The following ZNF804A variants were observed in gnomAD, a reference collection of about 807,000 sequenced individuals.
ZNF804A encodes zinc finger protein 804A.
In ZNF804A, 2 loss-of-function variants were observed where a neutral mutation model predicts 16.5. That is an observed-to-expected ratio of 0.12 (90% confidence interval 0.05 to 0.38). ZNF804A has a LOEUF of 0.38. ZNF804A is among the 10% of genes least tolerant of loss of function. ZNF804A has a pLI of 0.99. For synonymous variants in ZNF804A, 534 were observed against 489.6 expected, an observed-to-expected ratio of 1.09 and a Z score of -1.20; for missense variants, 1,473 against 1,390.7, an observed-to-expected ratio of 1.06 and a Z score of -0.94.
chr2:184,842,904 A>G (rs1221620578), intron 1 of ZNF804A, among the ~76,000 whole-genome samples: 1 of 152,172 alleles, frequency 6.6e-6, no homozygotes, highest in Non-Finnish European at 1.5e-5. Context: ...AGTGAGCACC[A>G]TAATGGTAGA....
At chr2:184,755,204 G>A (rs1693940546) in intron 1 of ZNF804A, among the ~76,000 whole-genome samples, 1 of 151,808 alleles carries the variant, frequency 6.6e-6, no homozygotes, top group African/African-American at 2.4e-5. Flanking sequence ...CATTTCCTGG[G>A]GAATATTAAC....
At chr2:184,618,959 G>A (rs1691374671) in intron 1 of ZNF804A, among the ~76,000 whole-genome samples, 1 of 152,078 alleles carries the variant, frequency 6.6e-6, no homozygotes, top group South Asian at 2.1e-4. Flanking sequence ...AGTATAAGAA[G>A]ATAAAAAGAT....
intron 1 of ZNF804A, among the ~76,000 whole-genome samples, chr2:184,813,268 T>C (rs1694929048): frequency 5.3e-5 from 8 of 152,098 alleles, no homozygotes; most frequent in Admixed American, 5.2e-4. Context: ...CTCTCTAAAC[T>C]CAAAGTCTTT....
At chr2:184,810,398 T>A (rs1409907193) in intron 1 of ZNF804A, among the ~76,000 whole-genome samples, 1 of 152,072 alleles carries the variant, frequency 6.6e-6, no homozygotes, top group African/African-American at 2.4e-5. Context: ...ATGTACTTAT[T>A]TTTTTAGATT....
intron 2 of ZNF804A, among the ~76,000 whole-genome samples, chr2:184,911,874 A>G (rs1466561152): frequency 6.6e-6 from 1 of 151,232 alleles, no homozygotes; most frequent in Non-Finnish European, 1.5e-5. Context: ...TTTTCCTACA[A>G]TTTTCCCTTT....
At chr2:184,665,855 C>G (rs1692246699) in intron 1 of ZNF804A, among the ~76,000 whole-genome samples, 1 of 152,152 alleles carries the variant, frequency 6.6e-6, no homozygotes, top group South Asian at 2.1e-4. Context: ...ATGAGTCCCT[C>G]TTGTACTTTG....
intron 1 of ZNF804A, among the ~76,000 whole-genome samples, chr2:184,715,528 C>A (rs776080040): frequency 1.3e-5 from 2 of 152,048 alleles, no homozygotes; most frequent in Non-Finnish European, 2.9e-5. Context: ...GCTAGGACTA[C>A]AGGCATATGC....
chr2:184,677,581 G>A (rs1692459570), intron 1 of ZNF804A, among the ~76,000 whole-genome samples: 2 of 151,922 alleles, frequency 1.3e-5, no homozygotes, highest in African/African-American at 4.8e-5. Context: ...TTGATCTAAT[G>A]ACTCATATAA....
intron 1 of ZNF804A, among the ~76,000 whole-genome samples, chr2:184,657,977 C>T (rs141198800): frequency 2.0e-5 from 3 of 152,214 alleles, no homozygotes; most frequent in Admixed American, 1.3e-4. Context: ...CTGCTCAATA[C>T]GATTGTCAAA....
At position 184,785,006 on chromosome 2, in the gene ZNF804A, G is replaced by T. The variant is rs372533851; in HGVS notation, c.112-81363G>T. On this transcript the variant is annotated intron_variant, in intron 1 of 3. Coordinates refer to ENST00000302277, the MANE Select transcript of ZNF804A (RefSeq NM_194250.2). ...TCGCCTTGGCTGTCTCCCCACATTT[G>T]TTACCTTAATTATATGCATGATACG... Among the ~76,000 whole-genome samples, 16 of 151,904 alleles carry T rather than the reference G, an allele frequency of 1.1e-4. No individual in the cohort carries two copies. The East Asian group carries it at 2.9e-3, about 28-fold the overall frequency.
At chr2:184,678,686 T>G (rs1175724906) in intron 1 of ZNF804A, among the ~76,000 whole-genome samples, 2 of 152,162 alleles carry the variant, frequency 1.3e-5, no homozygotes, top group Non-Finnish European at 2.9e-5. Flanking sequence ...TACCTAAGTA[T>G]AGCCCACCTC....
At chr2:184,852,078 G>T (rs1438371187) in intron 1 of ZNF804A, among the ~76,000 whole-genome samples, 1 of 151,452 alleles carries the variant, frequency 6.6e-6, no homozygotes, top group Admixed American at 6.6e-5. Flanking sequence ...TATCAATTTT[G>T]GTTATTAAAC....
At chr2:184,625,767 A>T (rs902820382) in intron 1 of ZNF804A, among the ~76,000 whole-genome samples, 1 of 152,188 alleles carries the variant, frequency 6.6e-6, no homozygotes. Context: ...CTTCCTAGAG[A>T]TTAATTTAAA....
At chr2:184,782,967 A>G (rs1295639957) in intron 1 of ZNF804A, among the ~76,000 whole-genome samples, 2 of 150,598 alleles carry the variant, frequency 1.3e-5, no homozygotes, top group African/African-American at 4.9e-5. Flanking sequence ...GCTGCATTAA[A>G]TCTCATATAG....
rs530485806 is a variant in ZNF804A, at chr2:184,719,009, C to T, written c.111+119939C>T. ...CCCTAGTAGAGGTTCTCCATGAGGG[C>T]CCCATCCCTACAGCAAACTTCTGCC... On this transcript the variant is annotated intron_variant, in intron 1 of 3. Transcript: ENST00000302277. Among the ~76,000 whole-genome samples the T allele has an allele frequency of 2.6e-5, 4 of 152,302 alleles. No homozygotes were observed. In the South Asian group the frequency reaches 8.3e-4, roughly 32 times the overall value.
At chr2:184,921,810 T>C (rs948110581) in intron 2 of ZNF804A, among the ~76,000 whole-genome samples, 15 of 152,094 alleles carry the variant, frequency 9.9e-5, no homozygotes, top group African/African-American at 3.4e-4. Flanking sequence ...ACCATCCTTC[T>C]ACTCTCCATC....
At position 184,936,162 on chromosome 2, in the gene ZNF804A, G is replaced by T; in HGVS notation, c.766G>T (p.Ala256Ser). ...FSRKSRFVPS[A>S]CHLQQSSPTD... ...CAGAAAAAGTAGATTTGTCCCCAGT[G>T]CTTGTCATCTTCAACAATCTTCACC... The change falls in exon 4 of 4, where the codon GCT (alanine) becomes TCT (serine). Residue 256 changes from alanine to serine, a missense_variant. Physicochemically the swap from Ala to Ser is moderately conservative, Grantham distance 99 (BLOSUM62 1). Coordinates refer to ENST00000302277, the MANE Select transcript of ZNF804A (RefSeq NM_194250.2). 6.2e-7 allele frequency: 1 copy of T among 1,614,042 alleles called. No individual in the cohort carries two copies. The highest frequency in any genetic ancestry group is 1.7e-4 in the Middle Eastern group (1 of 6,060).
In ZNF804A at chr2:184,937,755, C is replaced by T. The variant is rs961815743; in HGVS notation, c.2359C>T (p.Arg787Ter). ...HSYSSDESLNRQNHLPEEFLR... is the reference protein window; with the variant it reads ...HSYSSDESLN ...TTATTCTTCAGATGAAAGTTTAAAT[C>T]GACAGAATCATTTACCAGAAGAATT... is the stretch of plus-strand genomic sequence containing the variant. The change falls in exon 4 of 4, where the codon CGA becomes TGA. Residue 787 changes from arginine (R) to a stop codon, truncating the protein, a stop_gained. Coordinates refer to ENST00000302277, the MANE Select transcript of ZNF804A (RefSeq NM_194250.2). LOFTEE classifies it low-confidence loss of function (END_TRUNC). The T allele has an allele frequency of 6.2e-7, 1 of 1,613,900 alleles. No homozygotes were observed. Among genetic ancestry groups the T allele is most frequent in the Non-Finnish European group, 8.5e-7 (1 of 1,179,956 alleles).
intron 2 of ZNF804A, among the ~76,000 whole-genome samples, chr2:184,915,424 T>TA (rs1161809875): frequency 2.6e-5 from 4 of 152,174 alleles, no homozygotes; most frequent in African/African-American, 9.6e-5. Flanking sequence ...GTATATATAT[T>TA]AAAAAATAAT....
Sources: gnomAD v4.1 joint callset for allele counts (sites outside exome capture counted in the v4.1 genomes callset) on GRCh38, gnomAD v4.1.1 for gene constraint, MANE v1.5 for transcripts, NCBI Gene and HGNC (gene_info 2026-07-23, HGNC 2026-07-21) for gene names.